XG: variants seen among roughly 807,000 people sequenced by gnomAD.
The protein encoded by XG is glycoprotein Xg.
A neutral mutation model predicts 25.7 loss-of-function variants in XG; 24 were observed. The observed-to-expected ratio is 0.93, with a 90% CI of 0.68 to 1.31. The LOEUF (loss-of-function observed/expected upper bound fraction) is 1.31. Ranked by LOEUF, XG falls within the 40% of genes most tolerant of loss-of-function variation. XG has a pLI of 0.00. For missense variants in XG, 181 were observed against 187.6 expected (o/e 0.96, Z 0.21); for synonymous variants, 77 against 69.2 (o/e 1.11, Z -0.56).
chrX:2,779,715 T>A, intron 3 of XG, among the ~76,000 whole-genome samples: 1 of 152,220 alleles, frequency 6.6e-6, no homozygotes, highest in East Asian at 1.9e-4. Context: ...GGCGTGATCT[T>A]GGCTCACTGT....
At chrX:2,759,212 A>G (rs1389696288) in intron 1 of XG, among the ~76,000 whole-genome samples, 1 of 152,154 alleles carries the variant, frequency 6.6e-6, no homozygotes, top group Non-Finnish European at 1.5e-5. Context: ...GGTGGAGACA[A>G]GGCATGTTGT....
At chrX:2,789,737 T>A in intron 5 of XG, 31 bp downstream of exon 5, 1 of 688,294 alleles carries the variant, frequency 1.5e-6, no homozygotes, top group East Asian at 4.5e-5. Context: ...TATTTTTATT[T>A]TATTTTATTT....
intron 2 of XG, among the ~76,000 whole-genome samples, chrX:2,771,155 A>G (rs941336937): frequency 2.6e-5 from 4 of 151,992 alleles, no homozygotes; most frequent in Non-Finnish European, 5.9e-5. Flanking sequence ...TGCCTGGCCC[A>G]GTTTCTGCTT....
At chrX:2,756,208 C>T (rs2050431127) in intron 1 of XG, among the ~76,000 whole-genome samples, 1 of 152,024 alleles carries the variant, frequency 6.6e-6, no homozygotes, top group Admixed American at 6.6e-5. Context: ...TAGTATTTGC[C>T]GTCCAATCCA....
intron 3 of XG, among the ~76,000 whole-genome samples, chrX:2,776,472 T>G (rs1432209490): frequency 2.6e-5 from 4 of 151,972 alleles, no homozygotes; most frequent in African/African-American, 9.7e-5. Context: ...ACTGCATTCT[T>G]GGATGTGCTG....
At chrX:2,807,601 GGTATGTGCAT>G (rs2087014023) in intron 8 of XG, among the ~76,000 whole-genome samples, 1 of 112,225 alleles carries the variant, frequency 8.9e-6, no homozygotes, top group Non-Finnish European at 1.9e-5. Context: ...CTGTGTGTGT[GGTATGTGCAT>G]GTGTGTGTAT....
At chrX:2,812,809 G>T (rs2087070675) in intron 10 of XG, among the ~76,000 whole-genome samples, 1 of 111,741 alleles carries the variant, frequency 8.9e-6, no homozygotes, top group Non-Finnish European at 1.9e-5. Context: ...CGAACACCAC[G>T]TGTTAACTTC....
intron 1 of XG, among the ~76,000 whole-genome samples, chrX:2,758,729 C>T (rs1045443806): frequency 6.6e-6 from 1 of 152,230 alleles, no homozygotes; most frequent in African/African-American, 2.4e-5. Flanking sequence ...CAACACCCTG[C>T]AGTGCACAGG....
chrX:2,771,287 C>T (rs755864466), intron 2 of XG, among the ~76,000 whole-genome samples: 7 of 152,226 alleles, frequency 4.6e-5, no homozygotes, highest in Admixed American at 1.3e-4. Context: ...TCCCATACCC[C>T]GATCCCAATC....
At chrX:2,765,099 G>A (rs1303352794) in intron 1 of XG, among the ~76,000 whole-genome samples, 2 of 131,772 alleles carry the variant, frequency 1.5e-5, no homozygotes, top group Non-Finnish European at 3.1e-5. Flanking sequence ...TGTAATCTCC[G>A]CACTTTGGGA....
rs373044830 is a variant in XG, at chrX:2,773,382, G to A, written c.104-1334G>A. ...GAAAGAAAAAGAATAAGGGAAGGAC[G>A]GAGGGAAGGAAGGAGAGAGGGAGAG... On this transcript the variant is annotated intron_variant, in intron 2 of 10. Transcript: ENST00000644266. Among the ~76,000 whole-genome samples the A allele has an allele frequency of 1.3e-4, 19 of 145,996 alleles. No individual in the cohort carries two copies. The South Asian group carries it at 1.3e-3, about 10-fold the overall frequency.
In XG at chrX:2,776,804, C is replaced by T. The variant is rs745758107; in HGVS notation, c.127+2065C>T. Among the ~76,000 whole-genome samples the T allele has an allele frequency of 2.4e-4, 37 of 151,128 alleles. No individual in the cohort carries two copies. The South Asian group carries it at 5.9e-3, about 24-fold the overall frequency. On this transcript the variant is annotated intron_variant, in intron 3 of 10. Transcript: ENST00000644266. ...CGGAGCTTGCAGTGAGCCGAGATCT[C>T]CCACTGCACTCCAGCCTGGGCGACA... is the stretch of plus-strand genomic sequence containing the variant.
At chrX:2,784,137 G>C (rs1603457442) in intron 4 of XG, among the ~76,000 whole-genome samples, 2 of 111,257 alleles carry the variant, frequency 1.8e-5, no homozygotes, top group South Asian at 7.6e-4. Flanking sequence ...TTTCCTCCTA[G>C]TCTTTTAAAA....
At chrX:2,756,083 G>A (rs1440251122) in intron 1 of XG, among the ~76,000 whole-genome samples, 1 of 152,180 alleles carries the variant, frequency 6.6e-6, no homozygotes, top group Non-Finnish European at 1.5e-5. Context: ...TTAATATGCT[G>A]TAAATCATTA....
intron 1 of XG, among the ~76,000 whole-genome samples, chrX:2,757,971 CAAAAAA>C (rs59540338): frequency 0.082 from 7,182 of 88,016 alleles, 196 homozygotes; most frequent in South Asian, 0.15. Context: ...GACTCCATCT[CAAAAAA>C]AAAAAAAAAA....
intron 4 of XG, 75 bp from the exon 5 acceptor site, chrX:2,789,569 C>A: frequency 1.5e-6 from 1 of 658,704 alleles, no homozygotes; most frequent in Non-Finnish European, 2.3e-6. Context: ...TGTACTTTGG[C>A]ATTCTTATTT....
Position 2,756,191 on chromosome X carries a change from ATTT to A in XG, c.61+3857_61+3859del, listed in dbSNP as rs945971903. On this transcript the variant is annotated intron_variant, in intron 1 of 10. Coordinates refer to ENST00000644266, the MANE Select transcript of XG (RefSeq NM_001141919.2). ...TTTAGCAGCCCTACATTTCCACTGTATTTAATTAGTATTTGCCGTCCAATCCAG... is the reference window on the plus strand; with the variant it reads ...TTTAGCAGCCCTACATTTCCACTGTAAATTAGTATTTGCCGTCCAATCCAG... 3.9e-3 allele frequency among the ~76,000 whole-genome samples: 601 copies of A among 152,318 alleles called. 2 individuals are homozygous for A. The highest frequency in any genetic ancestry group is 0.014 in the African/African-American group (561 of 41,552).
intron 1 of XG, among the ~76,000 whole-genome samples, chrX:2,762,866 A>T (rs1300451860): frequency 6.6e-6 from 1 of 152,056 alleles, no homozygotes; most frequent in African/African-American, 2.4e-5. Flanking sequence ...ATAAAGGAAA[A>T]CCTTGAGTTC....
At position 2,811,465 on chromosome X, in the gene XG, C is replaced by G; in HGVS notation, c.571+13C>G. On this transcript the variant is annotated intron_variant, in intron 10 of 10. Coordinates refer to ENST00000644266, the MANE Select transcript of XG (RefSeq NM_001141919.2). ...TTCAGGACCCATGGTAAGTTTGGCT[C>G]TAAACATTGTTTTGCTTGTTACTAA... 7.8e-6 allele frequency: 9 copies of G among 1,146,980 alleles called. No homozygotes were observed. The highest frequency in any genetic ancestry group is 1.1e-5 in the Non-Finnish European group (9 of 852,353). The allele number at this position is 1,146,980 out of a possible 1,213,427, so 94.5% of individuals were successfully genotyped here.
Sources: gnomAD v4.1 joint callset for allele counts (sites outside exome capture counted in the v4.1 genomes callset) on GRCh38, gnomAD v4.1.1 for gene constraint, MANE v1.5 for transcripts, NCBI Gene and HGNC (gene_info 2026-07-23, HGNC 2026-07-21) for gene names.